Variants in CAMK4 observed in about 807,000 individuals in gnomAD.
CAMK4 encodes calcium/calmodulin dependent protein kinase IV, also known as calcium/calmodulin-dependent protein kinase type IV.
A neutral mutation model predicts 44.9 loss-of-function variants in CAMK4; 22 were observed. The ratio of observed to expected loss-of-function variants is 0.49; its 90% CI spans 0.35 to 0.70. The LOEUF (loss-of-function observed/expected upper bound fraction) is 0.70. Ranked by LOEUF, CAMK4 falls within the 30% of genes least tolerant of loss-of-function variation. The pLI is 0.01. For missense variants in CAMK4, 498 were observed against 586.8 expected (o/e 0.85, Z 1.56); for synonymous variants, 218 against 215.4 (o/e 1.01, Z -0.11).
chr5:111,475,661 C>A (rs564646552), intron 8 of CAMK4, among the ~76,000 whole-genome samples: 2 of 152,188 alleles, frequency 1.3e-5, no homozygotes, highest in Non-Finnish European at 2.9e-5. Context: ...AATAACAGTG[C>A]TGCTTACAAC....
In CAMK4 at chr5:111,491,694, C is replaced by G. The variant is rs1755840855; in HGVS notation, c.*7228C>G. On this transcript the variant is annotated 3_prime_UTR_variant, in exon 11 of 11. Transcript: ENST00000282356. ...TTTGAGCATGTTTTAGAAATTTGAT[C>G]CTTACATTTAAAATTATGTAAATGA... The G allele has an allele frequency of 6.6e-6, 1 of 152,108 alleles. No individual in the cohort carries two copies. Among genetic ancestry groups the G allele is most frequent in the Non-Finnish European group, 1.5e-5 (1 of 68,020 alleles). The allele number at this position is 152,108 out of a possible 1,614,324, so 9.4% of individuals were successfully genotyped here. A position where few individuals can be genotyped will look rare whatever the true frequency, so the allele number is the denominator to read the frequency against.
chr5:111,334,986 C>T (rs1310526512), intron 1 of CAMK4, among the ~76,000 whole-genome samples: 1 of 151,352 alleles, frequency 6.6e-6, no homozygotes, highest in African/African-American at 2.4e-5. Flanking sequence ...CTTACGTGAC[C>T]TAATAACCTC....
At chr5:111,242,417 A>G (rs1038256257) in intron 1 of CAMK4, among the ~76,000 whole-genome samples, 1 of 152,130 alleles carries the variant, frequency 6.6e-6, no homozygotes, top group Non-Finnish European at 1.5e-5. Context: ...TATGATTTAT[A>G]TCTCTTAAAT....
At chr5:111,320,542 C>T (rs116721771) in intron 1 of CAMK4, among the ~76,000 whole-genome samples, 2 of 152,178 alleles carry the variant, frequency 1.3e-5, no homozygotes, top group Non-Finnish European at 1.5e-5. Context: ...GAGTTTCGCT[C>T]GTTGCCCAGG....
intron 1 of CAMK4, among the ~76,000 whole-genome samples, chr5:111,240,708 A>G (rs1748951212): frequency 6.6e-6 from 1 of 152,140 alleles, no homozygotes; most frequent in African/African-American, 2.4e-5. Flanking sequence ...TTCATTCTGG[A>G]AGGCCTCTCG....
At chr5:111,460,562 C>T (rs1423151073) in intron 7 of CAMK4, among the ~76,000 whole-genome samples, 1 of 152,160 alleles carries the variant, frequency 6.6e-6, no homozygotes, top group Admixed American at 6.5e-5. Context: ...ACTTTAAATT[C>T]TAAGTCCATT....
intron 5 of CAMK4, among the ~76,000 whole-genome samples, chr5:111,418,864 C>G (rs571032360): frequency 6.6e-6 from 1 of 152,244 alleles, no homozygotes; most frequent in Admixed American, 6.5e-5. Flanking sequence ...TTGGTTGGTT[C>G]CAAGTCTTTG....
At chr5:111,391,351 T>C (rs1751790324) in intron 4 of CAMK4, among the ~76,000 whole-genome samples, 1 of 151,920 alleles carries the variant, frequency 6.6e-6, no homozygotes, top group African/African-American at 2.4e-5. Flanking sequence ...TGTCAAAAGG[T>C]TAAGTAAACC....
chr5:111,430,238 G>A (rs1178794223), intron 5 of CAMK4, among the ~76,000 whole-genome samples: 1 of 152,168 alleles, frequency 6.6e-6, no homozygotes, highest in Non-Finnish European at 1.5e-5. Flanking sequence ...TTCAATTGAT[G>A]CTGAAAAGGC....
chr5:111,389,158 A>C (rs1751711638), intron 4 of CAMK4, among the ~76,000 whole-genome samples: 1 of 152,166 alleles, frequency 6.6e-6, no homozygotes, highest in African/African-American at 2.4e-5. Flanking sequence ...TTTTTGATTC[A>C]TGGATGGCAC....
intron 4 of CAMK4, among the ~76,000 whole-genome samples, chr5:111,388,525 C>T (rs1027009181): frequency 1.3e-5 from 2 of 152,134 alleles, no homozygotes; most frequent in African/African-American, 4.8e-5. Flanking sequence ...ATACACCTTT[C>T]AGGTGTGAGC....
chr5:111,483,993 G>C, intron 10 of CAMK4, 33 bp from the exon 11 acceptor site: 1 of 1,498,804 alleles, frequency 6.7e-7, no homozygotes. Context: ...TTAAAGCAGA[G>C]GTAACACTTG....
At chr5:111,235,541 G>A (rs776307392) in intron 1 of CAMK4, among the ~76,000 whole-genome samples, 1 of 152,120 alleles carries the variant, frequency 6.6e-6, no homozygotes, top group Non-Finnish European at 1.5e-5. Flanking sequence ...AGGTAAACTC[G>A]TGAGCTCTCT....
intron 4 of CAMK4, among the ~76,000 whole-genome samples, chr5:111,391,424 T>G (rs142771242): frequency 6.6e-6 from 1 of 152,018 alleles, no homozygotes; most frequent in East Asian, 1.9e-4. Context: ...AGAGAATGAT[T>G]ATGGGACGTG....
At chr5:111,308,115 G>A (rs1430874968) in intron 1 of CAMK4, among the ~76,000 whole-genome samples, 1 of 117,358 alleles carries the variant, frequency 8.5e-6, no homozygotes, top group Admixed American at 8.7e-5. Context: ...TCGGGGGAGG[G>A]GGGAGGGATA....
chr5:111,312,531 T>G (rs1019962529), intron 1 of CAMK4, among the ~76,000 whole-genome samples: 2 of 152,114 alleles, frequency 1.3e-5, no homozygotes, highest in East Asian at 3.9e-4. Context: ...TTTGTTCATG[T>G]TTTTTAGGAT....
chr5:111,357,647 A>T (rs887226453), intron 2 of CAMK4, among the ~76,000 whole-genome samples: 1 of 152,100 alleles, frequency 6.6e-6, no homozygotes, highest in South Asian at 2.1e-4. Context: ...TGTACAGAGG[A>T]TACTAATTAA....
chr5:111,331,884 TC>T (rs1244376260), intron 1 of CAMK4, among the ~76,000 whole-genome samples: 1 of 151,612 alleles, frequency 6.6e-6, no homozygotes, highest in Non-Finnish European at 1.5e-5. Context: ...ATAGATTTTT[TC>T]TTATTTTCAT....
At chr5:111,461,125 A>G (rs1225065811) in intron 7 of CAMK4, among the ~76,000 whole-genome samples, 1 of 152,224 alleles carries the variant, frequency 6.6e-6, no homozygotes, top group Non-Finnish European at 1.5e-5. Context: ...GAGTTAGAAC[A>G]TAAAGTATAT....
Sources: gnomAD v4.1 joint callset for allele counts (sites outside exome capture counted in the v4.1 genomes callset) on GRCh38, gnomAD v4.1.1 for gene constraint, MANE v1.5 for transcripts, NCBI Gene and HGNC (gene_info 2026-07-23, HGNC 2026-07-21) for gene names.